The following ESCO2 variants were observed in gnomAD, a reference collection of about 807,000 sequenced individuals.
ESCO2 encodes the protein establishment of sister chromatid cohesion N-acetyltransferase 2, also known as N-acetyltransferase ESCO2.
ESCO2 carries 51 observed loss-of-function variants against 61.7 expected under a neutral mutation model. That is an observed-to-expected ratio of 0.83 (90% CI 0.66 to 1.04). The LOEUF (loss-of-function observed/expected upper bound fraction) is 1.04, where lower values mean the gene tolerates loss of function less well. ESCO2 is among the 50% of genes least tolerant of loss of function. The pLI is 0.00. For missense variants in ESCO2, 692 were observed against 686.2 expected, an observed-to-expected ratio of 1.01 and a Z score of -0.09; for synonymous variants, 230 against 238.2, an observed-to-expected ratio of 0.97 and a Z score of 0.32.
At chr8:27,803,185 C>T in intron 10 of ESCO2, 121 bp from the exon 11 acceptor site, 5 of 844,482 alleles carry the variant, frequency 5.9e-6, no homozygotes, top group Non-Finnish European at 9.7e-6. Flanking sequence ...AAATATAAGG[C>T]ATTTTTTCAC....
intron 8 of ESCO2, among the ~76,000 whole-genome samples, chr8:27,792,430 C>T (rs959507853): frequency 1.3e-5 from 2 of 152,040 alleles, no homozygotes; most frequent in Non-Finnish European, 2.9e-5. Context: ...TTCCTTATCC[C>T]TCCCAGGTGT....
At position 27,803,891 on chromosome 8, in the gene ESCO2, A is replaced by T; in HGVS notation, c.*453A>T. 1.0e-6 allele frequency: 1 copy of T among 989,092 alleles called. No homozygotes were observed. The highest frequency in any genetic ancestry group is 1.2e-6 in the Non-Finnish European group (1 of 834,116). 61.3% of individuals were successfully genotyped at this position (989,092 alleles called of 1,614,324 possible). On this transcript the variant is annotated 3_prime_UTR_variant, in exon 11 of 11. Transcript: ENST00000305188. ...AGTAATTTCTGTGCCCAATTTGTAA[A>T]GGGAATTCCTGAATTTTTTTTTTTT... is the stretch of plus-strand genomic sequence containing the variant.
At position 27,787,938 on chromosome 8, in the gene ESCO2, C is replaced by A. The variant is rs779297794; in HGVS notation, c.1067C>A (p.Thr356Asn). The A allele has an allele frequency of 6.2e-7, 1 of 1,613,694 alleles. No homozygotes were observed. Among genetic ancestry groups the A allele is most frequent in the Admixed American group, 1.7e-5 (1 of 60,008 alleles). ...GGATCTGTCAACTTCATGAAACAGA[C>A]CAATATCCAGAAAAATACTAATACC... ...SVGSVNFMKQ[T>N]NIQKNTNTRD... Residue 356 changes from threonine to asparagine, a missense_variant, in exon 6 of 11, where the codon ACC becomes AAC. Thr to Asn is a moderately conservative substitution (Grantham distance 65). Transcript: ENST00000305188.
chr8:27,803,253 A>T, intron 10 of ESCO2, 53 bp from the exon 11 acceptor site: 2 of 1,504,896 alleles, frequency 1.3e-6, no homozygotes, highest in Non-Finnish European at 1.9e-6. Context: ...TGCTCATGTT[A>T]ATTAGAATGT....
chr8:27,799,642 T>G lies in ESCO2; in HGVS notation c.1599T>G (p.Cys533Trp). ...QCSDVPEPAV[C>W]GISRIWVFRL... ...CAGATGTACCAGAACCTGCAGTCTG[T>G]GGGATAAGTAGAATCTGGGTTTTCA... The change falls in exon 10 of 11, where the codon TGT becomes TGG. Residue 533 changes from cysteine to tryptophan, a missense_variant. Cys to Trp is a radical substitution (Grantham distance 215). Transcript: ENST00000305188. 2 of 1,613,950 alleles carry G rather than the reference T, an allele frequency of 1.2e-6. No individual in the cohort carries two copies. Among genetic ancestry groups the G allele is most frequent in the Non-Finnish European group, 1.7e-6 (2 of 1,179,992 alleles).
the ESCO2 span, among the ~76,000 whole-genome samples, chr8:27,819,115 T>C: frequency 2.0e-5 from 3 of 152,198 alleles, no homozygotes; most frequent in Non-Finnish European, 2.9e-5. Context: ...TATAAAACTT[T>C]TTATCTGCTC....
rs750973036 is a variant in ESCO2, at chr8:27,776,766, G to T, written c.458G>T (p.Arg153Ile). ...ACTGCTAAGTATCAACCAAAGTATA[G>T]ACACATCAAGCCTGTATCAAGGAAT... ...SLTAKYQPKY[R>I]HIKPVSRNSR... is the part of the protein sequence containing the mutation. The change falls in exon 3 of 11, where the codon AGA (arginine) becomes ATA (isoleucine). Residue 153 changes from arginine (R) to isoleucine (I), a missense_variant. Coordinates refer to ENST00000305188, the MANE Select transcript of ESCO2 (RefSeq NM_001017420.3). The T allele has an allele frequency of 6.2e-7, 1 of 1,613,920 alleles. No homozygotes were observed. The highest frequency in any genetic ancestry group is 8.5e-7 in the Non-Finnish European group (1 of 1,180,016).
rs543805767 is a variant in ESCO2, at chr8:27,780,766, AT to A, written c.955+504del. Among the ~76,000 whole-genome samples the A allele has an allele frequency of 7.9e-3, 1,201 of 152,334 alleles. 14 individuals carry two copies. Among genetic ancestry groups the A allele is most frequent in the African/African-American group, 0.027 (1,136 of 41,586 alleles). On this transcript the variant is annotated intron_variant, in intron 4 of 10. Transcript: ENST00000305188. ...AGATATCTCTAAAGAGTTAAAGTTA[AT>A]TTTTAAATTCCTGTCAATTCTGAAA... is the stretch of plus-strand genomic sequence containing the variant.
At chr8:27,797,326 A>G (rs1805321948) in intron 9 of ESCO2, among the ~76,000 whole-genome samples, 1 of 152,122 alleles carries the variant, frequency 6.6e-6, no homozygotes, top group Non-Finnish European at 1.5e-5. Flanking sequence ...TTATTATATA[A>G]TTACCTTCTT....
chr8:27,801,240 T>G (rs1805417195), intron 10 of ESCO2, among the ~76,000 whole-genome samples: 1 of 152,080 alleles, frequency 6.6e-6, no homozygotes, highest in Non-Finnish European at 1.5e-5. Flanking sequence ...TATGGATGAG[T>G]TTCACAACAC....
At chr8:27,798,614 C>T (rs1339865870) in intron 9 of ESCO2, among the ~76,000 whole-genome samples, 1 of 152,130 alleles carries the variant, frequency 6.6e-6, no homozygotes, top group East Asian at 1.9e-4. Flanking sequence ...AACCTGGTAA[C>T]AACCAAAGTG....
the ESCO2 span, among the ~76,000 whole-genome samples, chr8:27,818,892 G>C: frequency 6.6e-6 from 1 of 151,996 alleles, no homozygotes; most frequent in Non-Finnish European, 1.5e-5. Context: ...AATATATGGG[G>C]ATTCAAGTGT....
chr8:27,796,763 C>T (rs916956130), intron 9 of ESCO2, among the ~76,000 whole-genome samples: 1 of 152,040 alleles, frequency 6.6e-6, no homozygotes, highest in African/African-American at 2.4e-5. Flanking sequence ...TGCATTCATT[C>T]CGCTGCTATT....
downstream of ESCO2, chr8:27,810,526 A>G: frequency 7.1e-7 from 1 of 1,407,392 alleles, no homozygotes. Flanking sequence ...AGATTGAAAC[A>G]ATAAACAAAA....
At chr8:27,815,342 A>AGG (rs1231111692), downstream of ESCO2, among the ~76,000 whole-genome samples, 1 of 152,230 alleles carries the variant, frequency 6.6e-6, no homozygotes, top group Non-Finnish European at 1.5e-5. Flanking sequence ...ATACCAGACT[A>AGG]GGAGGGTACC....
chr8:27,775,527 A>G lies in ESCO2; in HGVS notation c.13A>G (p.Thr5Ala). 1 of 1,614,018 alleles carries G rather than the reference A, an allele frequency of 6.2e-7. No homozygotes were observed. The highest frequency in any genetic ancestry group is 8.5e-7 in the Non-Finnish European group (1 of 1,179,904). MAAL[T>A]PRKRKQDSLK... ...TTCAATAAAGAAAATGGCAGCTCTT[A>G]CTCCAAGGAAGAGGAAGCAGGATTC... Residue 5 changes from threonine to alanine, a missense_variant, in exon 2 of 11, where the codon ACT becomes GCT. Coordinates refer to ENST00000305188, the MANE Select transcript of ESCO2 (RefSeq NM_001017420.3).
rs201354290 is a variant in ESCO2, at chr8:27,776,612, A to G, written c.304A>G (p.Ile102Val). The change falls in exon 3 of 11, where the codon ATA (isoleucine) becomes GTA (valine). Residue 102 changes from isoleucine (I) to valine (V), a missense_variant. Coordinates refer to ENST00000305188, the MANE Select transcript of ESCO2 (RefSeq NM_001017420.3). ...WYLNPLERKL[I>V]KESRSTCLKT... ...CCTCAATCCACTGGAGAGAAAGCTG[A>G]TAAAAGAGAGTAGATCTACTTGTCT... 390 of 1,614,066 alleles carry G rather than the reference A, an allele frequency of 2.4e-4. No individual in the cohort carries two copies. Among genetic ancestry groups the G allele is most frequent in the Middle Eastern group, 8.2e-4 (5 of 6,084 alleles).
In ESCO2 at chr8:27,787,847, A is replaced by G. The variant is rs759917657; in HGVS notation, c.1014-38A>G. Reference sequence around the variant, plus strand: ...CTTTCTTTCCCTTGTAATTCCTCCAAAATTGTAAATTTATATATATCAACT... The same window carrying G: ...CTTTCTTTCCCTTGTAATTCCTCCAGAATTGTAAATTTATATATATCAACT... On this transcript the variant is annotated intron_variant, in intron 5 of 10. Coordinates refer to ENST00000305188, the MANE Select transcript of ESCO2 (RefSeq NM_001017420.3). The G allele has an allele frequency of 3.9e-6, 6 of 1,525,576 alleles. No homozygotes were observed. The South Asian group carries it at 6.8e-5, about 17-fold the overall frequency. The allele number at this position is 1,525,576 out of a possible 1,614,324, so 94.5% of individuals were successfully genotyped here.
chr8:27,788,903 T>C lies in ESCO2; in HGVS notation c.1188T>C (p.Tyr396=), dbSNP rs1194000862. The change falls in exon 7 of 11, where the codon TAT becomes TAC. Residue 396 remains tyrosine (Y), a synonymous_variant. Transcript: ENST00000305188. ...ATVCKSCGMI[Y]TASNPEDEMQ... ...TGTGCAAGTCTTGTGGTATGATATA[T>C]ACTGCTTCCAACCCTGAAGATGAAA... 1 of 1,614,148 alleles carries C rather than the reference T, an allele frequency of 6.2e-7. No individual in the cohort carries two copies. Among genetic ancestry groups the C allele is most frequent in the Non-Finnish European group, 8.5e-7 (1 of 1,180,012 alleles).
Sources: allele counts gnomAD v4.1 joint callset (sites outside exome capture counted in the v4.1 genomes callset), GRCh38; gene constraint gnomAD v4.1.1; transcripts MANE v1.5; gene names NCBI Gene and HGNC (gene_info 2026-07-23, HGNC 2026-07-21).